DMD: variants seen among roughly 807,000 people sequenced by gnomAD.
The protein encoded by DMD is dystrophin, also known as mutant dystrophin.
In DMD, 63 loss-of-function variants were observed where a neutral mutation model predicts 330.1. The observed-to-expected ratio is 0.19, with a 90% CI of 0.16 to 0.24. The LOEUF (loss-of-function observed/expected upper bound fraction) is 0.24, where lower values mean the gene tolerates loss of function less well. DMD is among the 10% of genes least tolerant of loss of function. DMD has a pLI of 1.00. For missense variants in DMD, 3,344 were observed against 2,684.1 expected, an observed-to-expected ratio of 1.25 and a Z score of -5.43; for synonymous variants, 1,223 against 959.8, an observed-to-expected ratio of 1.27 and a Z score of -5.07.
intron 63 of DMD, among the ~76,000 whole-genome samples, chrX:31,233,110 C>T (rs1036739148): frequency 9.0e-6 from 1 of 111,668 alleles, no homozygotes; most frequent in Admixed American, 9.5e-5. Context: ...CTTGCAGTCT[C>T]CCTCTTGACA....
chrX:31,449,742 G>A (rs1337854957), intron 59 of DMD, among the ~76,000 whole-genome samples: 2 of 88,390 alleles, frequency 2.3e-5, no homozygotes, highest in Admixed American at 1.4e-4. Context: ...TGCCACTTAT[G>A]AGTTTATTTA....
intron 7 of DMD, among the ~76,000 whole-genome samples, chrX:32,802,321 G>A (rs142523913): frequency 0.022 from 2,434 of 111,618 alleles, 31 homozygotes; most frequent in Non-Finnish European, 0.034. Flanking sequence ...TCGGTGTATA[G>A]GAATGCTTGT....
intron 17 of DMD, among the ~76,000 whole-genome samples, chrX:32,539,293 T>C (rs1322488102): frequency 9.1e-6 from 1 of 110,441 alleles, no homozygotes; most frequent in Non-Finnish European, 1.9e-5. Context: ...CTAGAATGGA[T>C]TTAGGAGAGT....
chrX:32,812,435 C>A (rs2077438429), intron 6 of DMD, among the ~76,000 whole-genome samples: 1 of 111,672 alleles, frequency 9.0e-6, no homozygotes, highest in South Asian at 3.8e-4. Flanking sequence ...GATTTCGAGA[C>A]CAGCCTGGAC....
intron 18 of DMD, among the ~76,000 whole-genome samples, chrX:32,510,388 C>CT (rs1489523996): frequency 1.8e-5 from 2 of 111,990 alleles, no homozygotes; most frequent in African/African-American, 3.2e-5. Flanking sequence ...TAGTGCCACT[C>CT]TGTCTACAAG....
At chrX:31,190,554 C>A (rs752450594) in intron 67 of DMD, among the ~76,000 whole-genome samples, 1 of 83,443 alleles carries the variant, frequency 1.2e-5, no homozygotes, top group East Asian at 4.1e-4. Flanking sequence ...ATCCTGGTAT[C>A]TTTTACGGGA....
At chrX:32,877,236 G>T (rs185880694) in intron 2 of DMD, among the ~76,000 whole-genome samples, 1 of 112,035 alleles carries the variant, frequency 8.9e-6, no homozygotes, top group Non-Finnish European at 1.9e-5. Flanking sequence ...TGACTGACAA[G>T]AACTCAAAAT....
chrX:31,910,607 G>A (rs755397696), intron 47 of DMD, among the ~76,000 whole-genome samples: 113 of 112,007 alleles, frequency 1.0e-3, no homozygotes, highest in African/African-American at 3.5e-3. Flanking sequence ...ACTAACGAAC[G>A]TTGTAAGTGA....
At chrX:33,185,447 A>G (rs2050208588) in intron 1 of DMD, among the ~76,000 whole-genome samples, 1 of 111,052 alleles carries the variant, frequency 9.0e-6, no homozygotes, top group Non-Finnish European at 1.9e-5. Flanking sequence ...CTGAAAATTA[A>G]ATGAGGCACA....
chrX:33,301,766 C>T (rs1353139843), intron 1 of DMD, among the ~76,000 whole-genome samples: 1 of 111,094 alleles, frequency 9.0e-6, no homozygotes, highest in East Asian at 2.9e-4. Flanking sequence ...TCTCACCAGC[C>T]TTTTTATAAG....
chrX:31,310,823 G>A (rs774806489), intron 62 of DMD, among the ~76,000 whole-genome samples: 1 of 107,802 alleles, frequency 9.3e-6, no homozygotes, highest in South Asian at 4.2e-4. Flanking sequence ...CCAAAGTGCT[G>A]GGATTACACG....
intron 2 of DMD, among the ~76,000 whole-genome samples, chrX:32,957,983 T>A (rs1394597503): frequency 1.8e-5 from 2 of 112,143 alleles, no homozygotes; most frequent in African/African-American, 6.5e-5. Flanking sequence ...GAAATCACTA[T>A]AAATCTTTGT....
chrX:32,992,821 G>T (rs768397234), intron 2 of DMD, among the ~76,000 whole-genome samples: 2 of 103,277 alleles, frequency 1.9e-5, no homozygotes, highest in Non-Finnish European at 3.9e-5. Context: ...AAGGACAATC[G>T]CTTGAACCCA....
At chrX:32,620,006 G>T (rs766450847) in intron 11 of DMD, among the ~76,000 whole-genome samples, 8 of 111,703 alleles carry the variant, frequency 7.2e-5, no homozygotes, top group African/African-American at 2.6e-4. Context: ...TCACCCTCTT[G>T]CCAGTGCCTC....
intron 7 of DMD, among the ~76,000 whole-genome samples, chrX:32,776,777 A>C (rs1041990044): frequency 1.8e-5 from 2 of 111,889 alleles, no homozygotes; most frequent in African/African-American, 6.5e-5. Flanking sequence ...ATTGTTTCCA[A>C]TACAATGAGA....
chrX:31,566,468 C>T (rs2075468863), intron 55 of DMD, among the ~76,000 whole-genome samples: 1 of 111,682 alleles, frequency 9.0e-6, no homozygotes, highest in Non-Finnish European at 1.9e-5. Flanking sequence ...GTCTATCCCT[C>T]CAGCAACATC....
chrX:32,969,203 C>T (rs1207494149), intron 2 of DMD, among the ~76,000 whole-genome samples: 2 of 91,670 alleles, frequency 2.2e-5, no homozygotes, highest in East Asian at 6.8e-4. Context: ...CACATTTCTG[C>T]TCTTTATAAA....
chrX:32,850,005 T>C (rs2081007239), intron 2 of DMD, among the ~76,000 whole-genome samples, 185 bp from the exon 3 acceptor site: 1 of 112,050 alleles, frequency 8.9e-6, no homozygotes, highest in African/African-American at 3.2e-5. Flanking sequence ...AATTTTATCA[T>C]AGGTCAAGTC....
chrX:33,264,492 C>G (rs1167447061), intron 1 of DMD, among the ~76,000 whole-genome samples: 1 of 110,665 alleles, frequency 9.0e-6, no homozygotes, highest in African/African-American at 3.3e-5. Flanking sequence ...AAACTTTTGA[C>G]TGGGCCAGAT....
Sources: allele counts gnomAD v4.1 joint callset (sites outside exome capture counted in the v4.1 genomes callset), GRCh38; gene constraint gnomAD v4.1.1; transcripts MANE v1.5; gene names NCBI Gene and HGNC (gene_info 2026-07-23, HGNC 2026-07-21).